The following DNAAF9 variants were observed in gnomAD, a reference collection of about 807,000 sequenced individuals.
The protein encoded by DNAAF9 is shulin.
In DNAAF9, 90 loss-of-function variants were observed where a neutral mutation model predicts 167.0. The observed-to-expected ratio is 0.54, with a 90% CI of 0.45 to 0.64. DNAAF9 has a LOEUF of 0.64. Ranked by LOEUF, DNAAF9 falls within the 30% of genes least tolerant of loss-of-function variation. The probability of loss-of-function intolerance (pLI) is 0.00; values close to 1 mark genes in which losing one functional copy is unlikely to be tolerated. For missense variants in DNAAF9, 1,315 were observed against 1,442.2 expected, an observed-to-expected ratio of 0.91 and a Z score of 1.43; for synonymous variants, 491 against 508.8, an observed-to-expected ratio of 0.96 and a Z score of 0.47.
intron 1 of DNAAF9, among the ~76,000 whole-genome samples, chr20:3,389,426 A>G (rs2083795257): frequency 6.6e-6 from 1 of 151,828 alleles, no homozygotes; most frequent in Admixed American, 6.6e-5. Context: ...GCTGGATTAC[A>G]GGTGTGAGTC....
intron 10 of DNAAF9, among the ~76,000 whole-genome samples, chr20:3,335,940 T>G (rs1367039366): frequency 6.6e-6 from 1 of 151,734 alleles, no homozygotes; most frequent in Non-Finnish European, 1.5e-5. Context: ...CTGGCCAACA[T>G]GGCAAAACCC....
intron 32 of DNAAF9, 90 bp downstream of exon 32, chr20:3,259,832 G>A: frequency 1.3e-6 from 1 of 789,798 alleles, no homozygotes. Flanking sequence ...AAGACATACA[G>A]CACATAGAAT....
chr20:3,368,249 C>G (rs917575246), intron 6 of DNAAF9, among the ~76,000 whole-genome samples: 6 of 152,178 alleles, frequency 3.9e-5, no homozygotes, highest in African/African-American at 1.4e-4. Flanking sequence ...CTGGGCACCA[C>G]CTGGATCCTC....
At chr20:3,281,404 T>C (rs2068762055) in intron 28 of DNAAF9, among the ~76,000 whole-genome samples, 1 of 152,214 alleles carries the variant, frequency 6.6e-6, no homozygotes, top group Non-Finnish European at 1.5e-5. Context: ...TCATAAGTCC[T>C]TACTATGTAC....
rs762807879 is a variant in DNAAF9 at position 3,259,560 on chromosome 20, G to C, written c.2981-6C>G. 1 of 1,601,712 alleles carries C rather than the reference G, an allele frequency of 6.2e-7. No individual in the cohort carries two copies. Among genetic ancestry groups the C allele is most frequent in the African/African-American group, 1.3e-5 (1 of 74,762 alleles). ...CTTGATGGAGGACTGAATTGCTGGT[G>C]GAAGAAGAGGACAGCGCTGTCACCC... On this transcript the variant is annotated splice_region_variant and splice_polypyrimidine_tract_variant and intron_variant, in intron 32 of 36. Coordinates refer to ENST00000252032, the MANE Select transcript of DNAAF9 (RefSeq NM_001009984.3).
At chr20:3,342,560 C>T (rs76923518) in intron 9 of DNAAF9, among the ~76,000 whole-genome samples, 6,832 of 152,196 alleles carry the variant, frequency 0.045, 230 homozygotes, top group African/African-American at 0.095. Flanking sequence ...CCTCAGTGAG[C>T]GCCATGTAAA....
intron 10 of DNAAF9, among the ~76,000 whole-genome samples, chr20:3,333,484 T>C (rs996208064): frequency 5.9e-5 from 9 of 152,224 alleles, no homozygotes; most frequent in Non-Finnish European, 1.0e-4. Context: ...AAGGCATTTT[T>C]CTATAACATT....
intron 10 of DNAAF9, 69 bp downstream of exon 10, chr20:3,340,435 C>CT: frequency 4.7e-6 from 1 of 212,126 alleles, no homozygotes; most frequent in Admixed American, 5.7e-5. Flanking sequence ...TGTCTAGCTC[C>CT]CCCCACCCAC....
chr20:3,270,363 G>A (rs957148507), intron 30 of DNAAF9, 64 bp downstream of exon 30: 26 of 1,455,424 alleles, frequency 1.8e-5, no homozygotes, highest in Non-Finnish European at 2.9e-6. Flanking sequence ...AGACTCTGTG[G>A]GCCACAGACA....
At chr20:3,265,576 GAAAA>G (rs1228259726) in intron 30 of DNAAF9, among the ~76,000 whole-genome samples, 4 of 33,886 alleles carry the variant, frequency 1.2e-4, no homozygotes, top group Non-Finnish European at 2.5e-4. Context: ...CTCTGTCTCA[GAAAA>G]AAAAAAAAAA....
chr20:3,376,656 G>A (rs1259325820), intron 3 of DNAAF9, among the ~76,000 whole-genome samples: 2 of 152,220 alleles, frequency 1.3e-5, no homozygotes, highest in Non-Finnish European at 2.9e-5. Flanking sequence ...TGTACATTTG[G>A]TTTGGTCCAG....
chr20:3,253,783 A>C lies in DNAAF9; in HGVS notation c.3364T>G (p.Phe1122Val), dbSNP rs765821368. Reference protein sequence around the residue: ...RHLEPLPAGYFYNGTQFVNFF... With the variant: ...RHLEPLPAGYVYNGTQFVNFF... ...TTAACAAATTGGGTGCCATTATAAA[A>C]GTAGCCTGCAGGTAGGGGTTCCAAG... is the stretch of plus-strand genomic sequence containing the variant. Residue 1122 changes from phenylalanine (F) to valine (V), a missense_variant, in exon 36 of 37, where the codon TTT becomes GTT. Phe to Val is a conservative substitution (Grantham distance 50). Around this residue, in one of 2 missense-constraint regions of DNAAF9, gnomAD observed 334 missense variants for 429.7 expected, o/e 0.78. Transcript: ENST00000252032. 1 of 1,612,830 alleles carries C rather than the reference A, an allele frequency of 6.2e-7. No homozygotes were observed. Among genetic ancestry groups the C allele is most frequent in the South Asian group, 1.1e-5 (1 of 91,056 alleles).
chr20:3,349,288 G>A (rs1443853000), intron 7 of DNAAF9, among the ~76,000 whole-genome samples: 5 of 151,808 alleles, frequency 3.3e-5, no homozygotes, highest in South Asian at 2.1e-4. Flanking sequence ...AGGCTGAGGC[G>A]GGAGGATTGC....
intron 26 of DNAAF9, among the ~76,000 whole-genome samples, chr20:3,288,140 T>C (rs1441844828): frequency 6.6e-6 from 1 of 152,212 alleles, no homozygotes; most frequent in Non-Finnish European, 1.5e-5. Flanking sequence ...AGTTAGTCTC[T>C]TGCTAAGAAT....
Position 3,250,870 on chromosome 20 carries a change from G to A in DNAAF9, c.*1702C>T, listed in dbSNP as rs1364931442. Reference sequence around the variant, plus strand: ...GAGTTTTTAAAAAGAGTTCGGTAGAGCTAAAGGAAGCTACAGTAACTCACT... The same window carrying A: ...GAGTTTTTAAAAAGAGTTCGGTAGAACTAAAGGAAGCTACAGTAACTCACT... On this transcript the variant is annotated 3_prime_UTR_variant, in exon 37 of 37. Transcript: ENST00000252032. 2.0e-5 allele frequency: 3 copies of A among 152,194 alleles called. No individual in the cohort carries two copies. Among genetic ancestry groups the A allele is most frequent in the African/African-American group, 7.2e-5 (3 of 41,434 alleles). 9.4% of individuals were successfully genotyped at this position (152,194 alleles called of 1,614,324 possible).
At chr20:3,259,844 C>G in intron 32 of DNAAF9, 78 bp downstream of exon 32, 1 of 845,710 alleles carries the variant, frequency 1.2e-6, no homozygotes. Flanking sequence ...ACATAGAATA[C>G]TGAAATGGTA....
At chr20:3,392,302 T>G (rs1165274482) in intron 1 of DNAAF9, among the ~76,000 whole-genome samples, 4 of 152,240 alleles carry the variant, frequency 2.6e-5, no homozygotes, top group Middle Eastern at 3.2e-3. Flanking sequence ...ACGCATAGAC[T>G]CAGCAGACCC....
chr20:3,252,518 G>A lies in DNAAF9; in HGVS notation c.*54C>T, dbSNP rs995334716. ...CAGCAGAGCTGAGGTTAAGACACCC[G>A]TTCGTCCATCTCCAAGGTGGACATT... is the stretch of plus-strand genomic sequence containing the variant. On this transcript the variant is annotated 3_prime_UTR_variant, in exon 37 of 37. Transcript: ENST00000252032. The A allele has an allele frequency of 1.3e-4, 125 of 966,050 alleles. No homozygotes were observed. The highest frequency in any genetic ancestry group is 1.2e-3 in the Admixed American group (73 of 58,872). The allele number at this position is 966,050 out of a possible 1,614,324, so 59.8% of individuals were successfully genotyped here.
intron 31 of DNAAF9, among the ~76,000 whole-genome samples, chr20:3,262,365 C>T (rs948030757): frequency 6.6e-6 from 1 of 151,884 alleles, no homozygotes; most frequent in South Asian, 2.1e-4. Context: ...ATTCTCCTGC[C>T]TCAGCCTCCC....
Sources: allele counts gnomAD v4.1 joint callset (sites outside exome capture counted in the v4.1 genomes callset), GRCh38; gene constraint gnomAD v4.1.1; regional missense constraint gnomAD v4.1.1; transcripts MANE v1.5; gene names NCBI Gene and HGNC (gene_info 2026-07-23, HGNC 2026-07-21).